PDE11A: variants seen among roughly 807,000 people sequenced by gnomAD.
PDE11A encodes the protein dual 3',5'-cyclic-AMP and -GMP phosphodiesterase 11A.
PDE11A carries 100 observed loss-of-function variants against 100.5 expected under a neutral mutation model. That is an observed-to-expected ratio of 1.00 (90% CI 0.85 to 1.18). The LOEUF (loss-of-function observed/expected upper bound fraction) is 1.18. Among genes scored for constraint, PDE11A ranks in the 50% most tolerant of loss-of-function variants. The probability of loss-of-function intolerance (pLI) is 0.00; values close to 1 mark genes in which losing one functional copy is unlikely to be tolerated. For synonymous variants in PDE11A, 381 were observed against 420.8 expected, an observed-to-expected ratio of 0.91 and a Z score of 1.16; for missense variants, 1,141 against 1,152.6, an observed-to-expected ratio of 0.99 and a Z score of 0.15.
At chr2:177,875,749 G>A in intron 5 of PDE11A, 110 bp downstream of exon 5, 1 of 765,854 alleles carries the variant, frequency 1.3e-6, no homozygotes, top group African/African-American at 1.7e-5. Flanking sequence ...ACGATATTTG[G>A]TTGTGCTTGC....
intron 1 of PDE11A, among the ~76,000 whole-genome samples, chr2:178,046,579 T>C (rs1436809406): frequency 6.6e-6 from 1 of 152,120 alleles, no homozygotes; most frequent in Non-Finnish European, 1.5e-5. Context: ...ATAATAGTCA[T>C]TGAGTCAGAA....
intron 4 of PDE11A, chr2:177,888,770 A>G (rs1304202729): frequency 6.1e-6 from 2 of 327,926 alleles, no homozygotes; most frequent in Non-Finnish European, 8.7e-6. Flanking sequence ...ACCACTCCAC[A>G]GAAAAGGGAT....
chr2:177,756,043 A>C (rs2082086444), intron 10 of PDE11A, among the ~76,000 whole-genome samples: 1 of 152,194 alleles, frequency 6.6e-6, no homozygotes, highest in Non-Finnish European at 1.5e-5. Flanking sequence ...TTGGGCTTTT[A>C]CATACTATAT....
chr2:177,663,342 T>C (rs537090630), intron 19 of PDE11A, among the ~76,000 whole-genome samples: 23 of 151,036 alleles, frequency 1.5e-4, no homozygotes, highest in Non-Finnish European at 2.9e-4. Context: ...AGCTGGAAGG[T>C]GCGTCACAAA....
intron 5 of PDE11A, among the ~76,000 whole-genome samples, chr2:177,864,653 T>C (rs763317506): frequency 3.9e-5 from 6 of 152,170 alleles, no homozygotes; most frequent in African/African-American, 4.8e-5. Context: ...GGACACATCA[T>C]GTACTTCAGA....
rs187795094 is a variant in PDE11A, at chr2:177,641,186, A to G, written c.2647-11624T>C. Among the ~76,000 whole-genome samples the G allele has an allele frequency of 7.9e-5, 12 of 152,338 alleles. No homozygotes were observed. The East Asian group carries it at 2.3e-3, about 29-fold the overall frequency. On this transcript the variant is annotated intron_variant, in intron 19 of 19. Transcript: ENST00000286063. ...GCTCCTATTTGATATGAATATGCTC[A>G]TCATCGCAAGTCCAAATCCCTCAAT...
intron 6 of PDE11A, among the ~76,000 whole-genome samples, chr2:177,835,405 C>A (rs942537452): frequency 4.6e-5 from 7 of 152,138 alleles, no homozygotes; most frequent in Admixed American, 3.3e-4. Flanking sequence ...ATTGTGTCCC[C>A]CTACTACAGG....
At chr2:177,845,589 G>T (rs1490199552) in intron 5 of PDE11A, among the ~76,000 whole-genome samples, 1 of 152,232 alleles carries the variant, frequency 6.6e-6, no homozygotes, top group African/African-American at 2.4e-5. Context: ...TCAGACGATG[G>T]GTGGCTGGGC....
At chr2:178,104,665 A>C (rs1013715687) in intron 1 of PDE11A, among the ~76,000 whole-genome samples, 1 of 152,212 alleles carries the variant, frequency 6.6e-6, no homozygotes, top group Admixed American at 6.5e-5. Context: ...ATAACATCCA[A>C]TTTCATAAAG....
intron 14 of PDE11A, among the ~76,000 whole-genome samples, chr2:177,698,129 A>T (rs764832937): frequency 6.6e-6 from 1 of 152,200 alleles, no homozygotes. Context: ...ATTAAGGTGC[A>T]CTTTGATGAA....
At chr2:177,954,157 T>C (rs1015520516) in intron 2 of PDE11A, among the ~76,000 whole-genome samples, 1 of 151,946 alleles carries the variant, frequency 6.6e-6, no homozygotes, top group Non-Finnish European at 1.5e-5. Context: ...CTTCCCTGTT[T>C]CCTTTGAAAT....
intron 9 of PDE11A, among the ~76,000 whole-genome samples, chr2:177,787,337 C>T (rs1232597503): frequency 6.7e-6 from 1 of 150,238 alleles, no homozygotes; most frequent in Non-Finnish European, 1.5e-5. Flanking sequence ...CAAGCAAATG[C>T]TGAGAGATTT....
In PDE11A at chr2:177,918,575, A is replaced by G. The variant is rs116715186; in HGVS notation, c.1072-13388T>C. ...AAAGCAATAAGGCAAATAAATCACT[A>G]GCTAGTTTAATCATAGGGGAAAAAC... On this transcript the variant is annotated intron_variant, in intron 2 of 19. Transcript: ENST00000286063. 1.5e-3 allele frequency among the ~76,000 whole-genome samples: 234 copies of G among 152,344 alleles called. 3 individuals are homozygous for G. The highest frequency in any genetic ancestry group is 5.4e-3 in the African/African-American group (226 of 41,590).
chr2:177,724,392 A>C (rs1166930139), intron 12 of PDE11A, among the ~76,000 whole-genome samples: 3 of 152,068 alleles, frequency 2.0e-5, no homozygotes, highest in Admixed American at 2.0e-4. Context: ...TACTTTTGCA[A>C]AACACAATGC....
intron 2 of PDE11A, among the ~76,000 whole-genome samples, chr2:177,928,998 T>C (rs2085169645): frequency 6.6e-6 from 1 of 151,668 alleles, no homozygotes; most frequent in Admixed American, 6.6e-5. Flanking sequence ...TAGGTCGACA[T>C]GGGGGGATGA....
intron 3 of PDE11A, among the ~76,000 whole-genome samples, chr2:177,899,268 G>A (rs1456338735): frequency 1.3e-5 from 2 of 152,100 alleles, no homozygotes; most frequent in African/African-American, 4.8e-5. Context: ...AATTTAGCCA[G>A]GCATGGTGGC....
intron 17 of PDE11A, among the ~76,000 whole-genome samples, chr2:177,671,952 A>G (rs550606836): frequency 1.2e-4 from 19 of 152,152 alleles, no homozygotes; most frequent in African/African-American, 4.6e-4. Context: ...GGCACATCAT[A>G]CCTCACCCCA....
chr2:177,704,046 T>G (rs988015184), intron 13 of PDE11A, among the ~76,000 whole-genome samples: 1 of 152,196 alleles, frequency 6.6e-6, no homozygotes, highest in Non-Finnish European at 1.5e-5. Context: ...AGAAAATAGG[T>G]AGATTTTGCC....
rs568086377 is a variant in PDE11A, at chr2:177,649,268, G to T, written c.2646+14598C>A. Among the ~76,000 whole-genome samples the T allele has an allele frequency of 2.0e-5, 3 of 152,008 alleles. No individual in the cohort carries two copies. In the South Asian group the frequency reaches 6.2e-4, roughly 32 times the overall value. On this transcript the variant is annotated intron_variant, in intron 19 of 19. Transcript: ENST00000286063. The stretch of plus-strand genomic sequence containing the variant: ...AAATGCCCAGTTATCTTATTTCTTG[G>T]TATTTCTCCTAAAAATAAAGTATGA...
Sources: allele counts gnomAD v4.1 joint callset (sites outside exome capture counted in the v4.1 genomes callset), GRCh38; gene constraint gnomAD v4.1.1; transcripts MANE v1.5; gene names NCBI Gene and HGNC (gene_info 2026-07-23, HGNC 2026-07-21).